The following TMEM236 variants were observed in gnomAD, a reference collection of about 807,000 sequenced individuals.
TMEM236 encodes family with sequence similarity 23, member A.
Under a neutral mutation model 14.7 loss-of-function variants are expected in TMEM236, and 11 were observed. The ratio of observed to expected loss-of-function variants is 0.75; its 90% confidence interval spans 0.47 to 1.24. TMEM236 has a LOEUF of 1.24. TMEM236 is among the 50% of genes most tolerant of loss of function. The probability of loss-of-function intolerance (pLI) is 0.00; values close to 1 mark genes in which losing one functional copy is unlikely to be tolerated. For synonymous variants in TMEM236, 182 were observed against 168.6 expected (o/e 1.08, Z -0.62); for missense variants, 464 against 427.3 (o/e 1.09, Z -0.76).
intron 3 of TMEM236, among the ~76,000 whole-genome samples, chr10:17,791,270 C>T (rs961865776): frequency 8.1e-5 from 12 of 147,318 alleles, no homozygotes; most frequent in African/African-American, 5.1e-5. Flanking sequence ...CATAGCAAGT[C>T]ATCCGTGTCT....
chr10:17,769,935 C>T (rs1837540372), intron 1 of TMEM236, among the ~76,000 whole-genome samples: 2 of 152,050 alleles, frequency 1.3e-5, no homozygotes, highest in Admixed American at 6.6e-5. Flanking sequence ...ATCCTGCCAC[C>T]CAGTTAGTGA....
intron 1 of TMEM236, among the ~76,000 whole-genome samples, chr10:17,756,808 A>G (rs1482852406): frequency 6.6e-6 from 1 of 151,940 alleles, no homozygotes; most frequent in Non-Finnish European, 1.5e-5. Flanking sequence ...GGGGCAATTG[A>G]GAGTTAAGGA....
At position 17,795,967 on chromosome 10, in the gene TMEM236, A is replaced by AACTG. The variant is rs1324161471; in HGVS notation, c.520_523dup (p.Val175AspfsTer48). 1.1e-5 allele frequency: 18 copies of AACTG among 1,613,940 alleles called. No individual in the cohort carries two copies. The highest frequency in any genetic ancestry group is 1.4e-5 in the Non-Finnish European group (17 of 1,179,856). ...ATTCAACCTCTTTGCAACACATAAAAACTGTGACGGAGCAAGTGAGGCAAA... is the reference window on the plus strand; with the variant it reads ...ATTCAACCTCTTTGCAACACATAAAAACTGACTGTGACGGAGCAAGTGAGGCAAA... On this transcript the variant is annotated frameshift_variant, in exon 4 of 4. Transcript: ENST00000377495. LOFTEE classifies it low-confidence loss of function (END_TRUNC).
At chr10:17,789,058 C>A (rs1837881154) in intron 3 of TMEM236, among the ~76,000 whole-genome samples, 3 of 152,056 alleles carry the variant, frequency 2.0e-5, no homozygotes. Flanking sequence ...CCACTATGAC[C>A]GATTTCAAGC....
Position 17,787,798 on chromosome 10 carries a change from G to A in TMEM236, c.473-8123G>A, listed in dbSNP as rs898435277. 1.8e-3 allele frequency among the ~76,000 whole-genome samples: 272 copies of A among 152,232 alleles called. 1 individual carries two copies. The highest frequency in any genetic ancestry group is 6.3e-3 in the African/African-American group (260 of 41,528). ...GTAAATATGCATAAACCAGGCTGAC[G>A]GAGGTTCTTAAGAATGCAATGACTC... On this transcript the variant is annotated intron_variant, in intron 3 of 3. Transcript: ENST00000377495.
chr10:17,792,362 A>G (rs1837940149), intron 3 of TMEM236, among the ~76,000 whole-genome samples: 1 of 152,208 alleles, frequency 6.6e-6, no homozygotes, highest in African/African-American at 2.4e-5. Context: ...TGCTGGGATT[A>G]CAGGCGTAAG....
At chr10:17,781,640 G>C (rs897277477) in intron 3 of TMEM236, among the ~76,000 whole-genome samples, 140 of 151,888 alleles carry the variant, frequency 9.2e-4, no homozygotes, top group Non-Finnish European at 1.6e-3. Flanking sequence ...CAGCTACTGG[G>C]GAGGCTGAGG....
chr10:17,759,531 G>A (rs1214782974), intron 1 of TMEM236, among the ~76,000 whole-genome samples: 2 of 152,158 alleles, frequency 1.3e-5, no homozygotes, highest in Non-Finnish European at 2.9e-5. Flanking sequence ...TCTGCTTTAG[G>A]TAACGGTGGT....
At position 17,763,464 on chromosome 10, in the gene TMEM236, T is replaced by C. The variant is rs938810086; in HGVS notation, c.258-7845T>C. Among the ~76,000 whole-genome samples the C allele has an allele frequency of 5.8e-3, 880 of 152,214 alleles. 5 individuals are homozygous for C. The highest frequency in any genetic ancestry group is 0.02 in the African/African-American group (835 of 41,544). ...AAAAGAAAACCCTCAATGCTGACAG[T>C]AAGGGAGATGTCCTATTTGATTCAT... On this transcript the variant is annotated intron_variant, in intron 1 of 3. Transcript: ENST00000377495.
At chr10:17,782,361 G>A (rs889572210) in intron 3 of TMEM236, among the ~76,000 whole-genome samples, 1 of 151,994 alleles carries the variant, frequency 6.6e-6, no homozygotes, top group Non-Finnish European at 1.5e-5. Flanking sequence ...GCATCTTGAT[G>A]TACATTCATG....
intron 3 of TMEM236, among the ~76,000 whole-genome samples, chr10:17,783,299 T>C (rs1837784615): frequency 6.6e-6 from 1 of 152,140 alleles, no homozygotes; most frequent in African/African-American, 2.4e-5. Flanking sequence ...TGGGATCGTA[T>C]GTACTGTGCG....
chr10:17,757,826 T>A (rs1837304707), intron 1 of TMEM236, among the ~76,000 whole-genome samples: 1 of 152,116 alleles, frequency 6.6e-6, no homozygotes, highest in Non-Finnish European at 1.5e-5. Context: ...TAGAATGCAG[T>A]GGCATGATAT....
rs1838029745 is a variant in TMEM236, at chr10:17,797,123, T to C, written c.*619T>C. 1 of 153,998 alleles carries C rather than the reference T, an allele frequency of 6.5e-6. No homozygotes were observed. Among genetic ancestry groups the C allele is most frequent in the Non-Finnish European group, 1.4e-5 (1 of 69,232 alleles). 9.5% of individuals were successfully genotyped at this position (153,998 alleles called of 1,614,324 possible). On this transcript the variant is annotated 3_prime_UTR_variant, in exon 4 of 4. Coordinates refer to ENST00000377495, the MANE Select transcript of TMEM236 (RefSeq NM_001098844.3). ...GGGACCACTGATGTATACCACGCTT[T>C]TTCTAAGAATACTCTTCAACGGAGC...
intron 3 of TMEM236, among the ~76,000 whole-genome samples, chr10:17,790,010 C>A (rs891520347): frequency 1.3e-5 from 2 of 151,870 alleles, no homozygotes; most frequent in Non-Finnish European, 2.9e-5. Flanking sequence ...GGCGACAGAG[C>A]GGGACTCCGT....
intron 3 of TMEM236, among the ~76,000 whole-genome samples, chr10:17,787,909 C>A (rs1359818013): frequency 2.0e-5 from 3 of 152,126 alleles, no homozygotes; most frequent in Non-Finnish European, 4.4e-5. Context: ...CTTAAAACTC[C>A]TGAGTATTTG....
chr10:17,791,441 G>C (rs1837923613), intron 3 of TMEM236, among the ~76,000 whole-genome samples: 1 of 152,144 alleles, frequency 6.6e-6, no homozygotes. Context: ...CTGGGCAACA[G>C]AGCAAGACGC....
chr10:17,784,317 A>G (rs1173732544), intron 3 of TMEM236, among the ~76,000 whole-genome samples: 1 of 152,190 alleles, frequency 6.6e-6, no homozygotes, highest in African/African-American at 2.4e-5. Flanking sequence ...GAGCTGGCAA[A>G]GTTTTTAGAC....
At chr10:17,774,566 A>G (rs1357566614) in intron 2 of TMEM236, among the ~76,000 whole-genome samples, 4 of 152,068 alleles carry the variant, frequency 2.6e-5, no homozygotes, top group African/African-American at 9.7e-5. Flanking sequence ...CATAATTCCT[A>G]TGCCAACTCT....
At chr10:17,790,200 A>G (rs1837904482) in intron 3 of TMEM236, among the ~76,000 whole-genome samples, 1 of 151,996 alleles carries the variant, frequency 6.6e-6, no homozygotes, top group African/African-American at 2.4e-5. Context: ...ACTGCACTCC[A>G]CTCTGGGTAG....
Sources: allele counts gnomAD v4.1 joint callset (sites outside exome capture counted in the v4.1 genomes callset), GRCh38; gene constraint gnomAD v4.1.1; transcripts MANE v1.5; gene names NCBI Gene and HGNC (gene_info 2026-07-23, HGNC 2026-07-21).